The following PCDHA5 variants were observed in gnomAD, a reference collection of about 807,000 sequenced individuals.
PCDHA5 encodes the protein protocadherin alpha 5.
Under a neutral mutation model 61.6 loss-of-function variants are expected in PCDHA5, and 43 were observed. The observed-to-expected ratio is 0.70, with a 90% CI of 0.55 to 0.90. The LOEUF is 0.90. Among genes scored for constraint, PCDHA5 ranks in the 40% least tolerant of loss-of-function variants. The probability of loss-of-function intolerance (pLI) is 0.00; values close to 1 mark genes in which losing one functional copy is unlikely to be tolerated. For synonymous variants in PCDHA5, 627 were observed against 543.9 expected (o/e 1.15, Z -2.13); for missense variants, 1,298 against 1,222.7 (o/e 1.06, Z -0.92).
rs2150130181 is a variant in PCDHA5, at chr5:140,823,906, G to A, written c.2131G>A (p.Val711Met). 215 of 1,613,906 alleles carry A rather than the reference G, an allele frequency of 1.3e-4. No homozygotes were observed. The highest frequency in any genetic ancestry group is 1.7e-4 in the Non-Finnish European group (199 of 1,179,958). The change falls in exon 1 of 4, where the codon GTG (valine) becomes ATG (methionine). Residue 711 changes from valine to methionine, a missense_variant. Transcript: ENST00000529859. ...CATCTGTGCGGTGTCCAGCCTGCTGGTGCTCACGCTGCTGCTGTACACCGC... is the reference window on the plus strand; with the variant it reads ...CATCTGTGCGGTGTCCAGCCTGCTGATGCTCACGCTGCTGCTGTACACCGC... ...IAICAVSSLL[V>M]LTLLLYTALR...
At chr5:140,920,184 AAT>A (rs782376164) in intron 1 of PCDHA5, among the ~76,000 whole-genome samples, 19 of 152,348 alleles carry the variant, frequency 1.2e-4, no homozygotes, top group East Asian at 9.6e-4. Context: ...AGTGTGTAGT[AAT>A]TTGTCACAGC....
At chr5:140,889,946 C>T (rs1554184112) in intron 1 of PCDHA5, among the ~76,000 whole-genome samples, 1 of 152,114 alleles carries the variant, frequency 6.6e-6, no homozygotes, top group East Asian at 1.9e-4. Flanking sequence ...TGTGAGAAGC[C>T]AAATGGATAG....
chr5:140,878,848 G>T (rs1477391344), intron 1 of PCDHA5, among the ~76,000 whole-genome samples: 1 of 152,138 alleles, frequency 6.6e-6, no homozygotes, highest in Non-Finnish European at 1.5e-5. Context: ...GAACTTCTGG[G>T]TTCAACTGAT....
chr5:140,952,709 T>C (rs2094784758), intron 1 of PCDHA5, among the ~76,000 whole-genome samples: 1 of 152,208 alleles, frequency 6.6e-6, no homozygotes, highest in Non-Finnish European at 1.5e-5. Flanking sequence ...CCACTCTCAG[T>C]ATCAATTTTC....
At chr5:140,958,326 A>T (rs1440413634) in intron 1 of PCDHA5, among the ~76,000 whole-genome samples, 1 of 152,150 alleles carries the variant, frequency 6.6e-6, no homozygotes, top group Non-Finnish European at 1.5e-5. Flanking sequence ...CTCAAAAAAT[A>T]AATAAATCAC....
intron 3 of PCDHA5, among the ~76,000 whole-genome samples, chr5:141,008,500 A>C (rs2098379990): frequency 6.6e-6 from 1 of 152,072 alleles, no homozygotes; most frequent in African/African-American, 2.4e-5. Context: ...GGTATACTTT[A>C]TGGTGTGTCT....
chr5:140,926,812 G>T (rs908940607), intron 1 of PCDHA5: 28 of 1,458,972 alleles, frequency 1.9e-5, no homozygotes, highest in African/African-American at 2.8e-5. Flanking sequence ...CCCGCGGCTC[G>T]TGCTCTCCAG....
At chr5:140,843,940 T>G in intron 1 of PCDHA5, 1 of 573,966 alleles carries the variant, frequency 1.7e-6, no homozygotes, top group East Asian at 2.9e-5. Context: ...TATGGTTGGA[T>G]GATATCCATT....
chr5:140,834,220 A>C lies in PCDHA5; in HGVS notation c.2352+10093A>C, dbSNP rs2150214297. ...TACCGCAAATTCTTTCGTAATCAGC[A>C]AAAGGAAGTCATTCCTTTTCGCACT... On this transcript the variant is annotated intron_variant, in intron 1 of 3. Transcript: ENST00000529859. 3,272 of 686,096 alleles carry C rather than the reference A, an allele frequency of 4.8e-3. 83 individuals carry two copies. In the African/African-American group the frequency reaches 0.051, roughly 11 times the overall value. 42.5% of individuals were successfully genotyped at this position (686,096 alleles called of 1,614,324 possible).
intron 3 of PCDHA5, among the ~76,000 whole-genome samples, chr5:141,006,727 G>A (rs2098285106): frequency 6.6e-6 from 1 of 152,080 alleles, no homozygotes. Context: ...AGAAATGACA[G>A]GTCTTGATGA....
At position 140,848,200 on chromosome 5, in the gene PCDHA5, A is replaced by G. The variant is rs1011742191; in HGVS notation, c.2352+24073A>G. On this transcript the variant is annotated intron_variant, in intron 1 of 3. Transcript: ENST00000529859. ...AGAAACGGGATCTTCTGTTTCAACA[A>G]TCATTACTTAAGAAAAAATTAAGAA... is the stretch of plus-strand genomic sequence containing the variant. 48 of 323,068 alleles carry G rather than the reference A, an allele frequency of 1.5e-4. 5 individuals carry two copies. Among genetic ancestry groups the G allele is most frequent in the Non-Finnish European group, 1.1e-5 (2 of 175,496 alleles). 20.0% of individuals were successfully genotyped at this position (323,068 alleles called of 1,614,324 possible). A position where few individuals can be genotyped will look rare whatever the true frequency, so the allele number is the denominator to read the frequency against.
At chr5:140,852,280 G>T in intron 1 of PCDHA5, 1 of 510,402 alleles carries the variant, frequency 2.0e-6, no homozygotes, top group Non-Finnish European at 2.6e-6. Flanking sequence ...CATGTTTTTT[G>T]TCTTTTTATT....
chr5:140,857,057 G>A, intron 1 of PCDHA5: 1 of 1,596,192 alleles, frequency 6.3e-7, no homozygotes, highest in African/African-American at 1.3e-5. Flanking sequence ...CACGGTCCTA[G>A]TGGAACTACT....
intron 1 of PCDHA5, chr5:140,875,770 G>A: frequency 1.2e-6 from 2 of 1,614,230 alleles, no homozygotes; most frequent in East Asian, 2.2e-5. Flanking sequence ...CGGGCGGAGC[G>A]CGGAGTGCAG....
chr5:140,887,526 C>G (rs914597781), intron 1 of PCDHA5, among the ~76,000 whole-genome samples: 10 of 152,086 alleles, frequency 6.6e-5, no homozygotes, highest in Admixed American at 1.3e-4. Flanking sequence ...ATATATGAGT[C>G]TTCCTCTCCC....
intron 1 of PCDHA5, chr5:140,877,258 G>T (rs1206242754): frequency 1.9e-6 from 3 of 1,613,662 alleles, no homozygotes; most frequent in Non-Finnish European, 2.5e-6. Context: ...GAAAGTGCGC[G>T]CGGTGGACGC....
intron 2 of PCDHA5, among the ~76,000 whole-genome samples, chr5:140,980,258 G>A (rs2096882497): frequency 6.6e-6 from 1 of 152,164 alleles, no homozygotes; most frequent in Non-Finnish European, 1.5e-5. Context: ...GTAAAAGCAT[G>A]GTTTACAGTA....
At chr5:140,887,961 G>A (rs1311969868) in intron 1 of PCDHA5, among the ~76,000 whole-genome samples, 1 of 151,770 alleles carries the variant, frequency 6.6e-6, no homozygotes, top group African/African-American at 2.4e-5. Flanking sequence ...GATTCTTTTT[G>A]TCTCTTTTAA....
chr5:140,877,680 G>A, intron 1 of PCDHA5: 1 of 1,613,738 alleles, frequency 6.2e-7, no homozygotes, highest in Non-Finnish European at 8.5e-7. Flanking sequence ...CGCCGGGCAA[G>A]CCCACGCTGG....
Sources: gnomAD v4.1 joint callset for allele counts (sites outside exome capture counted in the v4.1 genomes callset) on GRCh38, gnomAD v4.1.1 for gene constraint, MANE v1.5 for transcripts, NCBI Gene and HGNC (gene_info 2026-07-23, HGNC 2026-07-21) for gene names.